Variants in STAU1 observed in about 807,000 individuals in gnomAD.
The protein encoded by STAU1 is double-stranded RNA-binding protein Staufen homolog 1.
Under a neutral mutation model 62.9 loss-of-function variants are expected in STAU1, and 13 were observed. That is an observed-to-expected ratio of 0.21 (90% CI 0.13 to 0.33). The LOEUF is 0.33. STAU1 is among the 10% of genes least tolerant of loss of function. The pLI is 1.00. For synonymous variants in STAU1, 269 were observed against 265.1 expected (o/e 1.01, Z -0.14); for missense variants, 571 against 712.1 (o/e 0.80, Z 2.25).
At chr20:49,163,152 A>C (rs1280781839) in intron 3 of STAU1, among the ~76,000 whole-genome samples, 1 of 151,834 alleles carries the variant, frequency 6.6e-6, no homozygotes, top group Non-Finnish European at 1.5e-5. Context: ...AGATTGTGCC[A>C]CTGCACTCTA....
At chr20:49,176,446 A>G (rs780160359) in intron 1 of STAU1, among the ~76,000 whole-genome samples, 4 of 152,202 alleles carry the variant, frequency 2.6e-5, no homozygotes, top group Admixed American at 6.5e-5. Flanking sequence ...TGTCAGTAGT[A>G]ACACAGAATT....
At chr20:49,212,405 A>G in the STAU1 span, among the ~76,000 whole-genome samples, 1,261 of 152,294 alleles carry the variant, frequency 8.3e-3, 22 homozygotes, top group African/African-American at 0.028. Context: ...AAGGTATACA[A>G]TGTCATGATT....
intron 3 of STAU1, among the ~76,000 whole-genome samples, chr20:49,164,965 G>A (rs1480207187): frequency 6.6e-6 from 1 of 152,150 alleles, no homozygotes; most frequent in Non-Finnish European, 1.5e-5. Flanking sequence ...CCTTGCTTGG[G>A]ATAAAATCTT....
intron 1 of STAU1, among the ~76,000 whole-genome samples, chr20:49,179,486 G>A (rs953022661): frequency 6.6e-6 from 1 of 152,158 alleles, no homozygotes; most frequent in Non-Finnish European, 1.5e-5. Flanking sequence ...TCTAGGTAAA[G>A]GGTCATGGAG....
chr20:49,185,115 G>A (rs1442880855), intron 1 of STAU1, among the ~76,000 whole-genome samples: 1 of 152,138 alleles, frequency 6.6e-6, no homozygotes, highest in Non-Finnish European at 1.5e-5. Context: ...GCAGACGGGG[G>A]CACTTTGGAA....
chr20:49,210,450 T>C, the STAU1 span: 1 of 455,872 alleles, frequency 2.2e-6, no homozygotes, highest in African/African-American at 2.0e-5. Context: ...CCAACTTTTT[T>C]CTTCCTCCTC....
Position 49,153,710 on chromosome 20 carries a change from C to CAAAA in STAU1, c.344+219_344+222dup, listed in dbSNP as rs145558067. Among the ~76,000 whole-genome samples the CAAAA allele has an allele frequency of 6.3e-3, 428 of 67,588 alleles. 7 individuals are homozygous for CAAAA. Among genetic ancestry groups the CAAAA allele is most frequent in the African/African-American group, 9.6e-3 (154 of 16,104 alleles). 44.3% of individuals were successfully genotyped at this position (67,588 alleles called of 152,430 possible). A position where few individuals can be genotyped will look rare whatever the true frequency, so the allele number is the denominator to read the frequency against. ...TGGGTGACAGAGCAAGACTCTGTCT[C>CAAAA]AAAAAAAAAAAAAAAAAAAAAAAAA... On this transcript the variant is annotated intron_variant, in intron 4 of 13. Coordinates refer to ENST00000371856, the MANE Select transcript of STAU1 (RefSeq NM_017453.4).
At chr20:49,154,211 C>CCT in intron 3 of STAU1, 140 bp from the exon 4 acceptor site, 1 of 781,642 alleles carries the variant, frequency 1.3e-6, no homozygotes, top group South Asian at 2.1e-5. Flanking sequence ...CACTGCTAGG[C>CCT]ATCAGACAAG....
At chr20:49,124,727 A>C in intron 6 of STAU1, 140 bp from the exon 7 acceptor site, 1 of 815,802 alleles carries the variant, frequency 1.2e-6, no homozygotes, top group Non-Finnish European at 2.0e-6. Context: ...AGCGGGGATC[A>C]TTTCAAATGC....
rs534279956 is a variant in STAU1, at chr20:49,114,374, T to C, written c.*504A>G. 6.3e-4 allele frequency: 98 copies of C among 155,256 alleles called. No homozygotes were observed. The highest frequency in any genetic ancestry group is 2.2e-3 in the African/African-American group (93 of 41,648). The allele number at this position is 155,256 out of a possible 1,614,324, so 9.6% of individuals were successfully genotyped here. ...AGGAGGTGGTGGGGCCGTGGCACAC[T>C]AGAAAAGTTGGGTCACGCTGAGTAG... On this transcript the variant is annotated 3_prime_UTR_variant, in exon 14 of 14. Coordinates refer to ENST00000371856, the MANE Select transcript of STAU1 (RefSeq NM_017453.4).
At chr20:49,122,933 A>G (rs996407011) in intron 8 of STAU1, among the ~76,000 whole-genome samples, 159 bp downstream of exon 8, 1 of 151,664 alleles carries the variant, frequency 6.6e-6, no homozygotes, top group African/African-American at 2.4e-5. Context: ...AAATAAATAA[A>G]TAAATAAATA....
chr20:49,139,741 C>T (rs2092966438), intron 5 of STAU1, among the ~76,000 whole-genome samples: 2 of 151,194 alleles, frequency 1.3e-5, no homozygotes, highest in South Asian at 4.2e-4. Context: ...AAAAAAAAAT[C>T]CACAGTAAGA....
intron 5 of STAU1, among the ~76,000 whole-genome samples, chr20:49,139,614 T>C (rs1053072107): frequency 1.3e-5 from 2 of 151,426 alleles, no homozygotes; most frequent in African/African-American, 4.9e-5. Context: ...TAATCCCAGC[T>C]ACTTGGGAGG....
chr20:49,126,577 A>AAAAAAAAAAAAACAAAAAAAAAAAC lies in STAU1; in HGVS notation c.610-1991_610-1990insGTTTTTTTTTTTGTTTTTTTTTTTT, dbSNP rs1555837188. Among the ~76,000 whole-genome samples the AAAAAAAAAAAAACAAAAAAAAAAAC allele has an allele frequency of 1.2e-3, 43 of 35,058 alleles. 1 individual carries two copies. Among genetic ancestry groups the AAAAAAAAAAAAACAAAAAAAAAAAC allele is most frequent in the African/African-American group, 3.2e-3 (22 of 6,974 alleles). The allele number at this position is 35,058 out of a possible 152,430, so 23.0% of individuals were successfully genotyped here. ...AGCAAAACCTCGTCTCAAAAAGCAA[A>AAAAAAAAAAAAACAAAAAAAAAAAC]AAAAAAAAAACAAAAAAAAAACAAA... On this transcript the variant is annotated intron_variant, in intron 6 of 13. Coordinates refer to ENST00000371856, the MANE Select transcript of STAU1 (RefSeq NM_017453.4).
In STAU1 at chr20:49,118,173, G is replaced by A. The variant is rs564354968; in HGVS notation, c.1190-77C>T. 863 of 1,474,168 alleles carry A rather than the reference G, an allele frequency of 5.9e-4. 5 individuals carry two copies. Among genetic ancestry groups the A allele is most frequent in the Middle Eastern group, 2.3e-3 (13 of 5,716 alleles). The allele number at this position is 1,474,168 out of a possible 1,614,324, so 91.3% of individuals were successfully genotyped here. A position where few individuals can be genotyped will look rare whatever the true frequency, so the allele number is the denominator to read the frequency against. Reference sequence around the variant, plus strand: ...ACGCAATGACACCATCAAACCCCACGCTGGCCCTCCCCTTGGCACGCATGG... The same window carrying A: ...ACGCAATGACACCATCAAACCCCACACTGGCCCTCCCCTTGGCACGCATGG... On this transcript the variant is annotated intron_variant, in intron 10 of 13. Coordinates refer to ENST00000371856, the MANE Select transcript of STAU1 (RefSeq NM_017453.4).
In STAU1 at chr20:49,114,584, G is replaced by C; in HGVS notation, c.*294C>G. On this transcript the variant is annotated 3_prime_UTR_variant, in exon 14 of 14. Coordinates refer to ENST00000371856, the MANE Select transcript of STAU1 (RefSeq NM_017453.4). The stretch of plus-strand genomic sequence containing the variant: ...ACGGAGGTGCCCAGGGTGTGGATCT[G>C]CTGGTGTCCCGGGAGAACCAGCTGG... 1 of 397,464 alleles carries C rather than the reference G, an allele frequency of 2.5e-6. No homozygotes were observed. The highest frequency in any genetic ancestry group is 3.8e-5 in the East Asian group (1 of 26,564). 24.6% of individuals were successfully genotyped at this position (397,464 alleles called of 1,614,324 possible). A position where few individuals can be genotyped will look rare whatever the true frequency, so the allele number is the denominator to read the frequency against.
At chr20:49,125,070 G>GAAAAA (rs2092560919) in intron 6 of STAU1, among the ~76,000 whole-genome samples, 1 of 20,958 alleles carries the variant, frequency 4.8e-5, no homozygotes. Flanking sequence ...CACACATTAA[G>GAAAAA]TAAAAAAAAA....
chr20:49,137,751 T>C (rs945513420), intron 5 of STAU1, among the ~76,000 whole-genome samples: 7 of 151,790 alleles, frequency 4.6e-5, no homozygotes, highest in Non-Finnish European at 1.0e-4. Flanking sequence ...CTGCAACGTC[T>C]GCCTCCTGGG....
At chr20:49,174,308 TC>T (rs1236093364) in intron 1 of STAU1, 39 bp from the exon 2 acceptor site, 1 of 152,186 alleles carries the variant, frequency 6.6e-6, no homozygotes, top group Non-Finnish European at 1.5e-5. Flanking sequence ...GTAGGGTAGG[TC>T]TTTTCTCTGA....
Sources: allele counts gnomAD v4.1 joint callset (sites outside exome capture counted in the v4.1 genomes callset), GRCh38; gene constraint gnomAD v4.1.1; transcripts MANE v1.5; gene names NCBI Gene and HGNC (gene_info 2026-07-23, HGNC 2026-07-21).